The following GPAA1 variants were observed in gnomAD, a reference collection of about 807,000 sequenced individuals.
The protein encoded by GPAA1 is glycosylphosphatidylinositol anchor attachment 1, also known as GPI-anchor transamidase component GPAA1.
A neutral mutation model predicts 64.0 loss-of-function variants in GPAA1; 54 were observed. The ratio of observed to expected loss-of-function variants is 0.84; its 90% CI spans 0.68 to 1.06. The LOEUF is 1.06. GPAA1 is among the 50% of genes least tolerant of loss of function. The probability of loss-of-function intolerance (pLI) is 0.00; values close to 1 mark genes in which losing one functional copy is unlikely to be tolerated. For synonymous variants in GPAA1, 393 were observed against 377.3 expected, an observed-to-expected ratio of 1.04 and a Z score of -0.48; for missense variants, 780 against 822.3, an observed-to-expected ratio of 0.95 and a Z score of 0.63.
chr8:144,082,653 T>A lies in GPAA1; in HGVS notation c.-78T>A. ...GCGGGCGAGCGCGGGTCCCCGGGTC[T>A]GACAGGAGCAGCCTGTGGGCACCGC... On this transcript the variant is annotated 5_prime_UTR_variant, in exon 1 of 12. Transcript: ENST00000355091. The A allele has an allele frequency of 2.0e-6, 2 of 997,594 alleles. No individual in the cohort carries two copies. The highest frequency in any genetic ancestry group is 2.6e-6 in the Non-Finnish European group (2 of 756,070). 61.8% of individuals were successfully genotyped at this position (997,594 alleles called of 1,614,324 possible).
intron 1 of GPAA1, 89 bp downstream of exon 1, chr8:144,082,893 C>T (rs949678847): frequency 2.8e-5 from 31 of 1,101,892 alleles, no homozygotes; most frequent in Non-Finnish European, 3.6e-5. Flanking sequence ...GGGCCGGGGC[C>T]GCTCCAGCTG....
At chr8:144,085,797 G>A (rs530413221) in intron 11 of GPAA1, 54 bp downstream of exon 11, 27 of 1,600,440 alleles carry the variant, frequency 1.7e-5, no homozygotes, top group African/African-American at 1.2e-4. Flanking sequence ...ATCACAGACC[G>A]CACCCTCATT....
At chr8:144,084,098 C>T (rs1248836817) in intron 5 of GPAA1, 36 bp from the exon 6 acceptor site, 3 of 1,609,180 alleles carry the variant, frequency 1.9e-6, no homozygotes, top group Non-Finnish European at 2.6e-6. Flanking sequence ...GTCCTCACCA[C>T]GTCCTCCATT....
Position 144,084,521 on chromosome 8 carries a change from C to T in GPAA1, c.922C>T (p.Leu308Phe). The change falls in exon 7 of 12, where the codon CTC becomes TTC. Residue 308 changes from leucine (L) to phenylalanine (F), a missense_variant. By Grantham distance (22) the Leu-to-Phe change is conservative. Transcript: ENST00000355091. ...ASGRPHGSHGLFLRYRVEALT... is the reference protein window; with the variant it reads ...ASGRPHGSHGFFLRYRVEALT... ...CGGCCGCCCCCACGGCTCCCATGGC[C>T]TCTTCCTGCGCTACCGTGTGGAGGC... 1 of 1,613,772 alleles carries T rather than the reference C, an allele frequency of 6.2e-7. No individual in the cohort carries two copies. Among genetic ancestry groups the T allele is most frequent in the Non-Finnish European group, 8.5e-7 (1 of 1,180,002 alleles).
chr8:144,083,019 G>C (rs1564303864), intron 1 of GPAA1, 105 bp from the exon 2 acceptor site: 1 of 1,097,340 alleles, frequency 9.1e-7, no homozygotes, highest in South Asian at 1.5e-5. Context: ...TCCGGGTTTA[G>C]GTCTCCCAGA....
In GPAA1 at chr8:144,086,215, T is replaced by TCAAATAGCTGCTGA; in HGVS notation, c.*90_*91insCAAATAGCTGCTGA. On this transcript the variant is annotated 3_prime_UTR_variant, in exon 12 of 12. Transcript: ENST00000355091. Reference sequence around the variant, plus strand: ...ATAAATGAGTGTCTGTTTCAGCAGCTATTTGAGCTCCTGGCCCGCTGTCCG... The same window carrying TCAAATAGCTGCTGA: ...ATAAATGAGTGTCTGTTTCAGCAGCTCAAATAGCTGCTGAATTTGAGCTCCTGGCCCGCTGTCCG... 1 of 1,428,588 alleles carries TCAAATAGCTGCTGA rather than the reference T, an allele frequency of 7.0e-7. No homozygotes were observed. The highest frequency in any genetic ancestry group is 9.6e-7 in the Non-Finnish European group (1 of 1,040,922). 88.5% of individuals were successfully genotyped at this position (1,428,588 alleles called of 1,614,324 possible).
Position 144,085,087 on chromosome 8 carries a change from T to C in GPAA1, c.1209T>C (p.Leu403=), listed in dbSNP as rs782732052. 1.2e-6 allele frequency: 2 copies of C among 1,610,470 alleles called. No homozygotes were observed. The highest frequency in any genetic ancestry group is 4.5e-5 in the East Asian group (2 of 44,874). ...AGCTGCATGAGGCTGGAATGGGCCT[T>C]GAGGAGCCCGGGGGTGCCCCTGGCC... ...WMQLHEAGMG[L]EEPGGAPGPS... Residue 403 remains leucine (L), a synonymous_variant, in exon 9 of 12, where the codon CTT becomes CTC. Transcript: ENST00000355091.
Position 144,086,055 on chromosome 8 carries a change from T to C in GPAA1, c.1796T>C (p.Leu599Pro). ...VLEHHTYGAL[L>P]FPLLSLGLYP... is the part of the protein sequence containing the mutation. ...GAGCACCACACCTACGGCGCCCTGC[T>C]CTTCCCACTGCTGTCCCTGGGCCTC... Residue 599 changes from leucine to proline, a missense_variant, in exon 12 of 12, where the codon CTC becomes CCC. Leu to Pro is a moderately conservative substitution (Grantham distance 98). Transcript: ENST00000355091. 1 of 1,613,332 alleles carries C rather than the reference T, an allele frequency of 6.2e-7. No homozygotes were observed. Among genetic ancestry groups the C allele is most frequent in the Non-Finnish European group, 8.5e-7 (1 of 1,179,938 alleles).
rs1382836813 is a variant in GPAA1 at position 144,083,512 on chromosome 8, G to A, written c.366+12G>A. The A allele has an allele frequency of 1.9e-6, 3 of 1,595,524 alleles. No individual in the cohort carries two copies. Among genetic ancestry groups the A allele is most frequent in the Non-Finnish European group, 1.7e-6 (2 of 1,163,230 alleles). On this transcript the variant is annotated intron_variant, in intron 3 of 11. Transcript: ENST00000355091. ...CCCACGAGCGCTATGTACTGGGGGA[G>A]TGGGGTGTGCCTGGGCCCAGAAAGC...
rs782756519 is a variant in GPAA1, at chr8:144,083,851, C to A, written c.504C>A (p.Ala168=). The A allele has an allele frequency of 2.5e-6, 4 of 1,612,842 alleles. No homozygotes were observed. In the Admixed American group the frequency reaches 6.7e-5, roughly 27 times the overall value. ...QAVGLLLALA[A]HFRGQIYWAK... is the part of the protein sequence containing the mutation. ...TGGGGCTGCTGCTGGCACTGGCTGC[C>A]CACTTCCGGGGTGAGTCTCAGGGCT... Residue 168 remains alanine (A), a synonymous_variant, in exon 4 of 12, where the codon GCC becomes GCA. Coordinates refer to ENST00000355091, the MANE Select transcript of GPAA1 (RefSeq NM_003801.4).
In GPAA1 at chr8:144,084,620, T is replaced by G; in HGVS notation, c.1010+11T>G. 6.2e-7 allele frequency: 1 copy of G among 1,608,554 alleles called. No homozygotes were observed. Among genetic ancestry groups the G allele is most frequent in the African/African-American group, 1.3e-5 (1 of 74,896 alleles). ...GGTGGCAGTGGGCAAGTAAGTAGTC[T>G]CTGGTCCCCCCTTTCCATGCCCAGG... is the stretch of plus-strand genomic sequence containing the variant. On this transcript the variant is annotated intron_variant, in intron 7 of 11. Transcript: ENST00000355091.
Position 144,082,805 on chromosome 8 carries a change from G to A in GPAA1, c.74+1G>A. ...TGCTGCGCCTCAACGCGCCGTTGTG[G>A]TGAGGACAGGGCCCGGGGAGGCGGG... On this transcript the variant is annotated splice_donor_variant, in intron 1 of 11. Transcript: ENST00000355091. LOFTEE classifies it high-confidence loss of function. 6.8e-7 allele frequency: 1 copy of A among 1,460,356 alleles called. No homozygotes were observed. 90.5% of individuals were successfully genotyped at this position (1,460,356 alleles called of 1,614,324 possible).
rs932101608 is a variant in GPAA1 at position 144,082,648 on chromosome 8, G to A, written c.-83G>A. On this transcript the variant is annotated 5_prime_UTR_variant, in exon 1 of 12. Transcript: ENST00000355091. Reference sequence around the variant, plus strand: ...GAAGTGCGGGCGAGCGCGGGTCCCCGGGTCTGACAGGAGCAGCCTGTGGGC... The same window carrying A: ...GAAGTGCGGGCGAGCGCGGGTCCCCAGGTCTGACAGGAGCAGCCTGTGGGC... The A allele has an allele frequency of 6.4e-6, 3 of 465,548 alleles. No individual in the cohort carries two copies. Among genetic ancestry groups the A allele is most frequent in the African/African-American group, 2.2e-5 (1 of 45,674 alleles). 28.8% of individuals were successfully genotyped at this position (465,548 alleles called of 1,614,324 possible).
intron 1 of GPAA1, 37 bp from the exon 2 acceptor site, chr8:144,083,087 C>A: frequency 6.3e-7 from 1 of 1,586,154 alleles, no homozygotes; most frequent in Non-Finnish European, 8.6e-7. Flanking sequence ...TCTGAGGACC[C>A]GCTGACGCTC....
At chr8:144,083,547 G>A (rs1554763854) in intron 3 of GPAA1, 47 bp downstream of exon 3, 4 of 1,502,280 alleles carry the variant, frequency 2.7e-6, no homozygotes, top group South Asian at 1.1e-5. Context: ...CACCTTGGAG[G>A]GAGGGGTCTG....
chr8:144,083,460 C>T lies in GPAA1; in HGVS notation c.326C>T (p.Ser109Phe), dbSNP rs782047705. ...VGLEVYTQSF[S>F]RKLPFPDETH... ...CTGGAGGTCTACACGCAGAGTTTCT[C>T]CCGGAAACTGCCCTTCCCAGATGAG... The change falls in exon 3 of 12, where the codon TCC (serine) becomes TTC (phenylalanine). Residue 109 changes from serine (S) to phenylalanine (F), a missense_variant. Ser to Phe is a radical substitution (Grantham distance 155, BLOSUM62 -2). Coordinates refer to ENST00000355091, the MANE Select transcript of GPAA1 (RefSeq NM_003801.4). 1 of 1,613,756 alleles carries T rather than the reference C, an allele frequency of 6.2e-7. No individual in the cohort carries two copies. Among genetic ancestry groups the T allele is most frequent in the East Asian group, 2.2e-5 (1 of 44,876 alleles).
In GPAA1 at chr8:144,086,166, C is replaced by A; in HGVS notation, c.*41C>A. The A allele has an allele frequency of 6.3e-7, 1 of 1,586,788 alleles. No homozygotes were observed. Among genetic ancestry groups the A allele is most frequent in the Non-Finnish European group, 8.6e-7 (1 of 1,162,706 alleles). ...GCTGGGACAGAGACTCCCCAAGGAC[C>A]CCATTCTGCCTCCTTCTGGGGAAAT... On this transcript the variant is annotated 3_prime_UTR_variant, in exon 12 of 12. Coordinates refer to ENST00000355091, the MANE Select transcript of GPAA1 (RefSeq NM_003801.4).
chr8:144,082,972 A>G (rs1554763707), intron 1 of GPAA1, 152 bp from the exon 2 acceptor site: 2 of 891,598 alleles, frequency 2.2e-6, no homozygotes, highest in South Asian at 1.7e-5. Flanking sequence ...TATCAGGCCC[A>G]GGCTTAGGGC....
chr8:144,083,945 T>C lies in GPAA1; in HGVS notation c.521T>C (p.Ile174Thr), dbSNP rs1801751. The change falls in exon 5 of 12, where the codon ATT (isoleucine) becomes ACT (threonine). Residue 174 changes from isoleucine to threonine, a missense_variant. Transcript: ENST00000355091. The stretch of plus-strand genomic sequence containing the variant: ...TCCTGCTTCTGGCCTCCAGGGCAGA[T>C]TTATTGGGCCAAAGATATCGTCTTC... ...LALAAHFRGQ[I>T]YWAKDIVFLV... 1 of 1,613,392 alleles carries C rather than the reference T, an allele frequency of 6.2e-7. No individual in the cohort carries two copies. The highest frequency in any genetic ancestry group is 1.7e-5 in the Admixed American group (1 of 60,000).
Sources: gnomAD v4.1 joint callset for allele counts on GRCh38, gnomAD v4.1.1 for gene constraint, MANE v1.5 for transcripts, NCBI Gene and HGNC (gene_info 2026-07-23, HGNC 2026-07-21) for gene names.